The following PTPRN2 variants were observed in gnomAD, a reference collection of about 807,000 sequenced individuals.
The protein encoded by PTPRN2 is protein tyrosine phosphatase receptor type N2, also known as receptor-type tyrosine-protein phosphatase N2.
In PTPRN2, 74 loss-of-function variants were observed where a neutral mutation model predicts 118.8. The observed-to-expected ratio is 0.62, with a 90% confidence interval of 0.52 to 0.76. PTPRN2 has a LOEUF of 0.76. Among genes scored for constraint, PTPRN2 ranks in the 30% least tolerant of loss-of-function variants. The pLI is 0.00. For missense variants in PTPRN2, 1,481 were observed against 1,394.4 expected (o/e 1.06, Z -0.99); for synonymous variants, 641 against 608.0 (o/e 1.05, Z -0.80).
intron 11 of PTPRN2, among the ~76,000 whole-genome samples, chr7:157,985,910 G>A (rs991647519): frequency 4.0e-5 from 6 of 151,066 alleles, no homozygotes; most frequent in Non-Finnish European, 8.8e-5. Flanking sequence ...TCGAGAGCAG[G>A]GAGACCAGCC....
chr7:158,512,523 G>A (rs1823250109), intron 1 of PTPRN2, among the ~76,000 whole-genome samples: 1 of 152,078 alleles, frequency 6.6e-6, no homozygotes, highest in African/African-American at 2.4e-5. Context: ...AGATCTCACA[G>A]TCACACCCAC....
chr7:158,471,687 C>CA (rs1298177209), intron 2 of PTPRN2, among the ~76,000 whole-genome samples: 1 of 148,664 alleles, frequency 6.7e-6, no homozygotes, highest in African/African-American at 2.5e-5. Flanking sequence ...GACTCCGTCT[C>CA]AAAAAAACAA....
At chr7:158,035,010 T>C (rs1371451264) in intron 11 of PTPRN2, among the ~76,000 whole-genome samples, 1 of 152,266 alleles carries the variant, frequency 6.6e-6, no homozygotes, top group Non-Finnish European at 1.5e-5. Flanking sequence ...ATCAATTTAG[T>C]AAATTCTTCC....
intron 11 of PTPRN2, among the ~76,000 whole-genome samples, chr7:158,077,555 T>G (rs574377120): frequency 3.7e-5 from 1 of 27,208 alleles, no homozygotes; most frequent in African/African-American, 1.1e-4. Flanking sequence ...GAGCCCCCTA[T>G]GAGCCACACC....
intron 6 of PTPRN2, among the ~76,000 whole-genome samples, chr7:158,151,014 G>C (rs369863194): frequency 2.0e-5 from 3 of 150,918 alleles, no homozygotes; most frequent in Non-Finnish European, 4.4e-5. Flanking sequence ...CCTCCTATGC[G>C]GGAAGCCAGG....
chr7:158,423,300 A>G (rs1815417058), intron 2 of PTPRN2, among the ~76,000 whole-genome samples: 1 of 152,188 alleles, frequency 6.6e-6, no homozygotes, highest in Non-Finnish European at 1.5e-5. Context: ...AAGGAAGTGG[A>G]TTTGGGGGGC....
rs750681801 is a variant in PTPRN2 at position 157,861,344 on chromosome 7, C to T, written c.1788+37329G>A. Among the ~76,000 whole-genome samples the T allele has an allele frequency of 9.9e-5, 15 of 152,244 alleles. No individual in the cohort carries two copies. Among genetic ancestry groups the T allele is most frequent in the Non-Finnish European group, 1.5e-4 (10 of 68,028 alleles). Reference sequence around the variant, plus strand: ...ACCGGAAGCACCTCCGGCTGGAGCTCGGCCAAGGAGCCCGGGTCCCTTCAG... The same window carrying T: ...ACCGGAAGCACCTCCGGCTGGAGCTTGGCCAAGGAGCCCGGGTCCCTTCAG... On this transcript the variant is annotated intron_variant, in intron 12 of 22. Coordinates refer to ENST00000389418, the MANE Select transcript of PTPRN2 (RefSeq NM_002847.5). The surrounding 1 kb of genome is among the most constrained non-coding windows in gnomAD (Gnocchi z 5.8).
intron 11 of PTPRN2, among the ~76,000 whole-genome samples, chr7:157,941,726 C>G (rs1325408561): frequency 2.0e-5 from 3 of 152,222 alleles, no homozygotes; most frequent in African/African-American, 7.2e-5. Flanking sequence ...GCCAGCCACA[C>G]TCCCTATGCT....
chr7:157,656,625 C>G, intron 13 of PTPRN2, 74 bp from the exon 14 acceptor site: 1 of 1,337,078 alleles, frequency 7.5e-7, no homozygotes, highest in Non-Finnish European at 1.0e-6. Context: ...GCCACGGCAC[C>G]CACGTGGCAC....
At chr7:158,264,548 C>A (rs938197377) in intron 3 of PTPRN2, among the ~76,000 whole-genome samples, 1 of 152,168 alleles carries the variant, frequency 6.6e-6, no homozygotes, top group Non-Finnish European at 1.5e-5. Context: ...CTGCAGCAGC[C>A]GGTGGCAGCA....
At chr7:158,317,882 G>T (rs536923525) in intron 2 of PTPRN2, among the ~76,000 whole-genome samples, 1 of 152,314 alleles carries the variant, frequency 6.6e-6, no homozygotes, top group East Asian at 1.9e-4. Context: ...TGCTCACGAC[G>T]ACGGGGCCGG....
intron 2 of PTPRN2, among the ~76,000 whole-genome samples, chr7:158,360,122 C>T (rs1199460764): frequency 2.6e-5 from 2 of 77,924 alleles, no homozygotes; most frequent in Admixed American, 1.2e-4. Flanking sequence ...TCCACCCTCA[C>T]CCAGGACGAC....
chr7:158,229,949 CAA>C (rs147603307), intron 3 of PTPRN2, among the ~76,000 whole-genome samples: 9 of 151,062 alleles, frequency 6.0e-5, no homozygotes. Context: ...ATATAATAAT[CAA>C]ACTCTCAAAA....
At chr7:157,965,263 A>G (rs1007031263) in intron 11 of PTPRN2, among the ~76,000 whole-genome samples, 5 of 152,186 alleles carry the variant, frequency 3.3e-5, no homozygotes, top group African/African-American at 9.7e-5. Context: ...TTCACAGTGT[A>G]ACCCCTCTGA....
At chr7:158,498,245 G>A (rs990792437) in intron 1 of PTPRN2, among the ~76,000 whole-genome samples, 2 of 152,202 alleles carry the variant, frequency 1.3e-5, no homozygotes, top group Admixed American at 6.5e-5. Context: ...GAAGGGCAGC[G>A]AGCTGGGTAC....
chr7:158,128,675 G>A (rs953123892), intron 9 of PTPRN2, among the ~76,000 whole-genome samples: 4 of 152,086 alleles, frequency 2.6e-5, no homozygotes, highest in Non-Finnish European at 5.9e-5. Flanking sequence ...CAGGATTGTC[G>A]GCTCTGAAGG....
intron 6 of PTPRN2, among the ~76,000 whole-genome samples, chr7:158,164,504 G>A (rs894437110): frequency 4.0e-5 from 6 of 148,620 alleles, no homozygotes; most frequent in Non-Finnish European, 7.5e-5. Flanking sequence ...GGGAGCGCGC[G>A]CGTAGGGAGG....
chr7:157,802,792 G>C (rs983912413), intron 12 of PTPRN2, among the ~76,000 whole-genome samples: 3 of 152,194 alleles, frequency 2.0e-5, no homozygotes, highest in Non-Finnish European at 2.9e-5. Context: ...TCGTGGCTCT[G>C]ATTTGCATGT....
intron 1 of PTPRN2, among the ~76,000 whole-genome samples, chr7:158,522,703 G>A (rs549616563): frequency 6.6e-6 from 1 of 152,340 alleles, no homozygotes; most frequent in Non-Finnish European, 1.5e-5. Context: ...GAGTCCGTGA[G>A]GCACTCGGAC....
Sources: allele counts gnomAD v4.1 joint callset (sites outside exome capture counted in the v4.1 genomes callset), GRCh38; gene constraint gnomAD v4.1.1; non-coding constraint Gnocchi (gnomAD v3.1); transcripts MANE v1.5; gene names NCBI Gene and HGNC (gene_info 2026-07-23, HGNC 2026-07-21).